The following PLAGL1 variants were observed in gnomAD, a reference collection of about 807,000 sequenced individuals.
PLAGL1 encodes the protein zinc finger protein PLAGL1.
Under a neutral mutation model 4.6 loss-of-function variants are expected in PLAGL1, and 1 was observed. The observed-to-expected ratio is 0.22, with a 90% CI of 0.08 to 1.03. The LOEUF (loss-of-function observed/expected upper bound fraction) is 1.03, where lower values mean the gene tolerates loss of function less well. Ranked by LOEUF, PLAGL1 falls within the 50% of genes least tolerant of loss-of-function variation. The pLI is 0.58. For missense variants in PLAGL1, 464 were observed against 570.4 expected, an observed-to-expected ratio of 0.81 and a Z score of 1.90; for synonymous variants, 240 against 237.8, an observed-to-expected ratio of 1.01 and a Z score of -0.08.
rs1242745666 is a variant in PLAGL1 at position 144,034,085 on chromosome 6, T to A, written c.-151+30383A>T. On this transcript the variant is annotated intron_variant, in intron 1 of 3. Transcript: ENST00000437412. The surrounding 1 kb of genome is among the most constrained non-coding windows in gnomAD (Gnocchi z 4.7). ...GTACATATAAAACTGCAGACTTCAATTTTCCTGGAGTCTTTTATACTGTTA... is the reference window on the plus strand; with the variant it reads ...GTACATATAAAACTGCAGACTTCAAATTTCCTGGAGTCTTTTATACTGTTA... Among the ~76,000 whole-genome samples the A allele has an allele frequency of 6.6e-6, 1 of 152,214 alleles. No homozygotes were observed. The highest frequency in any genetic ancestry group is 6.5e-5 in the Admixed American group (1 of 15,284).
chr6:144,004,422 C>T lies in PLAGL1; in HGVS notation c.-584+3668G>A, dbSNP rs1793690208. On this transcript the variant is annotated intron_variant, in intron 1 of 7. Coordinates refer to ENST00000674357, the MANE Select transcript of PLAGL1 (RefSeq NM_001317162.2). This position sits in a 1 kb window ranked among gnomAD's most constrained non-coding sequence, Gnocchi z 4.2. ...GGCCATAGTTTGCCAACCCTTGATA[C>T]AAAGCAAAAATAAAAAACAAACAAA... 6.6e-6 allele frequency among the ~76,000 whole-genome samples: 1 copy of T among 151,984 alleles called. No individual in the cohort carries two copies.
At position 144,063,901 on chromosome 6, in the gene PLAGL1, C is replaced by A. The variant is rs973183889; in HGVS notation, c.-151+567G>T. On this transcript the variant is annotated intron_variant, in intron 1 of 3. Coordinates refer to the PLAGL1 transcript ENST00000437412. This position sits in a 1 kb window ranked among gnomAD's most constrained non-coding sequence, Gnocchi z 5.7. ...GCCACGGCCCAGGTCTCTTTTCTCC[C>A]GGAGTCTGCGGGGACCTCCCCGCCG... Among the ~76,000 whole-genome samples the A allele has an allele frequency of 6.6e-6, 1 of 152,184 alleles. No individual in the cohort carries two copies. Among genetic ancestry groups the A allele is most frequent in the Non-Finnish European group, 1.5e-5 (1 of 68,026 alleles).
At chr6:144,010,798 C>T (rs1795121253), upstream of PLAGL1, among the ~76,000 whole-genome samples, 3 of 152,124 alleles carry the variant, frequency 2.0e-5, no homozygotes, top group Admixed American at 6.5e-5. The surrounding 1 kb of genome is among the most constrained non-coding windows in gnomAD (Gnocchi z 4.1). Context: ...AGAAATAACA[C>T]CACACATCTA....
intron 1 of PLAGL1, among the ~76,000 whole-genome samples, chr6:144,032,681 C>G (rs1200300831): frequency 2.0e-5 from 3 of 152,136 alleles, no homozygotes; most frequent in Non-Finnish European, 4.4e-5. Flanking sequence ...CCTGCTTCAG[C>G]CTTCCAAGTA....
At position 144,000,167 on chromosome 6, in the gene PLAGL1, T is replaced by C. The variant is rs557624194; in HGVS notation, c.-584+7923A>G. On this transcript the variant is annotated intron_variant, in intron 1 of 7. Coordinates refer to ENST00000674357, the MANE Select transcript of PLAGL1 (RefSeq NM_001317162.2). The surrounding 1 kb of genome is among the most constrained non-coding windows in gnomAD (Gnocchi z 4.1). ...TAAATATCCCGCAACAACATCACACTAAGCTTCAGTGCTACAAAAGCATTC... is the reference window on the plus strand; with the variant it reads ...TAAATATCCCGCAACAACATCACACCAAGCTTCAGTGCTACAAAAGCATTC... 5.4e-4 allele frequency among the ~76,000 whole-genome samples: 82 copies of C among 152,282 alleles called. 2 individuals are homozygous for C. Among genetic ancestry groups the C allele is most frequent in the African/African-American group, 1.9e-3 (79 of 41,554 alleles).
chr6:143,982,937 G>A lies in PLAGL1; in HGVS notation c.-544+2198C>T, dbSNP rs1188366545. Among the ~76,000 whole-genome samples, 2 of 152,168 alleles carry A rather than the reference G, an allele frequency of 1.3e-5. No individual in the cohort carries two copies. The highest frequency in any genetic ancestry group is 4.8e-5 in the African/African-American group (2 of 41,446). On this transcript the variant is annotated intron_variant, in intron 2 of 7. Coordinates refer to ENST00000674357, the MANE Select transcript of PLAGL1 (RefSeq NM_001317162.2). The surrounding 1 kb of genome is among the most constrained non-coding windows in gnomAD (Gnocchi z 5.3). ...ATATTTTAATCTGGAGTTTAGAGAA[G>A]AGGTCCATACTGGAGACAATTTAGT...
chr6:143,949,343 A>G lies in PLAGL1; in HGVS notation c.-324-883T>C, dbSNP rs2128522715. On this transcript the variant is annotated intron_variant, in intron 6 of 7. Coordinates refer to ENST00000674357, the MANE Select transcript of PLAGL1 (RefSeq NM_001317162.2). The surrounding 1 kb of genome is among the most constrained non-coding windows in gnomAD (Gnocchi z 5.3). ...GTTCTTCTTTTTCTACCAATTGGCCATCATTGGAGGAACCTGAAGTGTCTG... is the reference window on the plus strand; with the variant it reads ...GTTCTTCTTTTTCTACCAATTGGCCGTCATTGGAGGAACCTGAAGTGTCTG... 6.6e-6 allele frequency among the ~76,000 whole-genome samples: 1 copy of G among 152,306 alleles called. No individual in the cohort carries two copies. Among genetic ancestry groups the G allele is most frequent in the South Asian group, 2.1e-4 (1 of 4,824 alleles).
rs1583921644 is a variant in PLAGL1 at position 144,059,168 on chromosome 6, G to A, written c.-151+5300C>T. ...AGCCTCCTTCATTCCTGCATTCCAT[G>A]CACCCACAGGAAGCTGCTAAGGCTT... On this transcript the variant is annotated intron_variant, in intron 1 of 3. Coordinates refer to the PLAGL1 transcript ENST00000437412. This position sits in a 1 kb window ranked among gnomAD's most constrained non-coding sequence, Gnocchi z 4.9. 6.6e-6 allele frequency among the ~76,000 whole-genome samples: 1 copy of A among 152,216 alleles called. No individual in the cohort carries two copies. The highest frequency in any genetic ancestry group is 1.9e-4 in the East Asian group (1 of 5,200).
chr6:144,020,937 C>T (rs1390584271), intron 1 of PLAGL1, among the ~76,000 whole-genome samples: 1 of 146,090 alleles, frequency 6.8e-6, no homozygotes, highest in Non-Finnish European at 1.5e-5. Flanking sequence ...ATATAAAATA[C>T]ATATATATAA....
rs906625278 is a variant in PLAGL1, at chr6:144,015,290, TA to T, written c.-150-46313del. ...ACTTAAACTATTTTTAAAACGTGGC[TA>T]CTGGAACATTTTAAATTACCTATCT... On this transcript the variant is annotated intron_variant, in intron 1 of 3. Coordinates refer to the PLAGL1 transcript ENST00000437412. The surrounding 1 kb of genome is among the most constrained non-coding windows in gnomAD (Gnocchi z 4.3). 3.9e-5 allele frequency among the ~76,000 whole-genome samples: 6 copies of T among 152,252 alleles called. No homozygotes were observed. The highest frequency in any genetic ancestry group is 8.8e-5 in the Non-Finnish European group (6 of 68,052).
chr6:143,993,997 A>G (rs1791112355), intron 1 of PLAGL1, among the ~76,000 whole-genome samples: 1 of 151,970 alleles, frequency 6.6e-6, no homozygotes, highest in African/African-American at 2.4e-5. Flanking sequence ...TCAGTTCCCA[A>G]CTAGGGCAAA....
At chr6:144,019,189 T>C (rs1795786122) in intron 1 of PLAGL1, among the ~76,000 whole-genome samples, 1 of 151,520 alleles carries the variant, frequency 6.6e-6, no homozygotes, top group Non-Finnish European at 1.5e-5. Context: ...AAAAATGCTA[T>C]AAAGGCCAGG....
rs1319609392 is a variant in PLAGL1 at position 143,942,483 on chromosome 6, G to A, written c.333C>T (p.Ala111=). The change falls in exon 8 of 8, where the codon GCC becomes GCT. Residue 111 remains alanine, a synonymous_variant. Coordinates refer to ENST00000674357, the MANE Select transcript of PLAGL1 (RefSeq NM_001317162.2). This position sits in a 1 kb window ranked among gnomAD's most constrained non-coding sequence, Gnocchi z 7.6. ...GGTCCCCACTGCTGGCCGCATGGAG[G>A]GCCAGGTGCCTCTTATAGCCCAGCA... The part of the protein sequence containing the change: ...NTMLGYKRHL[A]LHAASSGDLT... 1.1e-5 allele frequency: 18 copies of A among 1,614,144 alleles called. No homozygotes were observed. Among genetic ancestry groups the A allele is most frequent in the Non-Finnish European group, 1.4e-5 (17 of 1,180,020 alleles).
upstream of PLAGL1, among the ~76,000 whole-genome samples, chr6:144,009,244 G>A (rs1794940945): frequency 6.6e-6 from 1 of 152,180 alleles, no homozygotes; most frequent in Admixed American, 6.5e-5. Context: ...CAATTGCTCT[G>A]CAACTTTATT....
rs1353046851 is a variant in PLAGL1 at position 143,945,510 on chromosome 6, CCT to C, written c.152+2473_152+2474del. ...TCCTTTTTTTGAGATGCAGTCCCAC[CCT>C]GTCACCAGGCTGAAGTGCAGTGGCT... On this transcript the variant is annotated intron_variant, in intron 7 of 7. Coordinates refer to ENST00000674357, the MANE Select transcript of PLAGL1 (RefSeq NM_001317162.2). This position sits in a 1 kb window ranked among gnomAD's most constrained non-coding sequence, Gnocchi z 4.2. Among the ~76,000 whole-genome samples the C allele has an allele frequency of 6.6e-6, 1 of 152,174 alleles. No homozygotes were observed. The highest frequency in any genetic ancestry group is 6.5e-5 in the Admixed American group (1 of 15,280).
chr6:143,940,659 A>G lies in PLAGL1; in HGVS notation c.*765T>C, dbSNP rs373013057. The G allele has an allele frequency of 1.3e-5, 2 of 152,350 alleles. No homozygotes were observed. Among genetic ancestry groups the G allele is most frequent in the African/African-American group, 2.4e-5 (1 of 41,382 alleles). 9.4% of individuals were successfully genotyped at this position (152,350 alleles called of 1,614,324 possible). A position where few individuals can be genotyped will look rare whatever the true frequency, so the allele number is the denominator to read the frequency against. ...TAAATTCCTGTTAAAAATATAATCA[A>G]TATTAAAGTCAGCAAAATGCCTTTG... is the stretch of plus-strand genomic sequence containing the variant. On this transcript the variant is annotated 3_prime_UTR_variant, in exon 8 of 8. Coordinates refer to ENST00000674357, the MANE Select transcript of PLAGL1 (RefSeq NM_001317162.2).
At chr6:144,003,917 A>C (rs2128666539) in intron 1 of PLAGL1, among the ~76,000 whole-genome samples, 1 of 152,366 alleles carries the variant, frequency 6.6e-6, no homozygotes, top group Non-Finnish European at 1.5e-5. Flanking sequence ...TGAGAGATAT[A>C]TGTCTACCAA....
At chr6:144,029,177 G>A (rs1311709004) in intron 1 of PLAGL1, among the ~76,000 whole-genome samples, 1 of 152,030 alleles carries the variant, frequency 6.6e-6, no homozygotes, top group East Asian at 1.9e-4. Flanking sequence ...AATTTATAAA[G>A]AATGGAATGA....
rs1046625269 is a variant in PLAGL1 at position 144,022,956 on chromosome 6, A to G, written c.-151+41512T>C. Among the ~76,000 whole-genome samples the G allele has an allele frequency of 4.6e-5, 7 of 152,220 alleles. No homozygotes were observed. Among genetic ancestry groups the G allele is most frequent in the Non-Finnish European group, 1.0e-4 (7 of 68,040 alleles). ...GCACATGAATATTTATAGCAGCTTT[A>G]CTCATAATTGCCAAAAACTGGGAGC... is the stretch of plus-strand genomic sequence containing the variant. On this transcript the variant is annotated intron_variant, in intron 1 of 3. Transcript: ENST00000437412. The surrounding 1 kb of genome is among the most constrained non-coding windows in gnomAD (Gnocchi z 4.2).
Sources: allele counts gnomAD v4.1 joint callset (sites outside exome capture counted in the v4.1 genomes callset), GRCh38; gene constraint gnomAD v4.1.1; non-coding constraint Gnocchi (gnomAD v3.1); transcripts MANE v1.5; gene names NCBI Gene and HGNC (gene_info 2026-07-23, HGNC 2026-07-21).